The following B4GALT6 variants were observed in gnomAD, a reference collection of about 807,000 sequenced individuals.
B4GALT6 encodes beta-1,4-galactosyltransferase 6, also known as UDP-Gal:beta-GlcNAc beta-1,4-galactosyltransferase 6.
A neutral mutation model predicts 46.3 loss-of-function variants in B4GALT6; 14 were observed. The ratio of observed to expected loss-of-function variants is 0.30; its 90% CI spans 0.20 to 0.47. The LOEUF (loss-of-function observed/expected upper bound fraction) is 0.47, where lower values mean the gene tolerates loss of function less well. B4GALT6 is among the 20% of genes least tolerant of loss of function. B4GALT6 has a pLI of 0.99. For missense variants in B4GALT6, 386 were observed against 480.1 expected, an observed-to-expected ratio of 0.80 and a Z score of 1.83; for synonymous variants, 168 against 162.0, an observed-to-expected ratio of 1.04 and a Z score of -0.28.
At chr18:31,658,610 G>A (rs751679035) in intron 2 of B4GALT6, 2 of 152,366 alleles carry the variant, frequency 1.3e-5, no homozygotes, top group Non-Finnish European at 2.9e-5. Context: ...CCAGCCTGTG[G>A]GCTGCAGCCC....
chr18:31,635,987 AAC>A (rs1178855476), intron 5 of B4GALT6, among the ~76,000 whole-genome samples: 2 of 152,246 alleles, frequency 1.3e-5, no homozygotes, highest in African/African-American at 2.4e-5. Context: ...GAGTCAATGG[AAC>A]ACAGAGACCA....
intron 4 of B4GALT6, among the ~76,000 whole-genome samples, chr18:31,643,537 G>A (rs1222009948): frequency 6.6e-6 from 1 of 152,094 alleles, no homozygotes; most frequent in African/African-American, 2.4e-5. Flanking sequence ...GGCCTCAAGT[G>A]ATCTGCCCAC....
intron 1 of B4GALT6, among the ~76,000 whole-genome samples, chr18:31,683,887 T>A (rs2074510116): frequency 6.6e-6 from 1 of 152,164 alleles, no homozygotes; most frequent in African/African-American, 2.4e-5. Flanking sequence ...TCAATCACAT[T>A]CCCTGCTGCT....
At chr18:31,649,089 C>T (rs766895974) in intron 3 of B4GALT6, among the ~76,000 whole-genome samples, 4 of 152,194 alleles carry the variant, frequency 2.6e-5, no homozygotes, top group Non-Finnish European at 5.9e-5. Context: ...GACATTCCCT[C>T]CCACACTCTG....
chr18:31,630,897 A>G, intron 6 of B4GALT6, 62 bp downstream of exon 6: 1 of 1,557,706 alleles, frequency 6.4e-7, no homozygotes. Flanking sequence ...CGCTGCTACC[A>G]TTTCAATGCT....
chr18:31,701,985 T>G, the B4GALT6 span, among the ~76,000 whole-genome samples: 1 of 152,030 alleles, frequency 6.6e-6, no homozygotes, highest in African/African-American at 2.4e-5. Context: ...GAAGAATATA[T>G]TACATAATAT....
intron 4 of B4GALT6, among the ~76,000 whole-genome samples, chr18:31,639,386 G>A (rs1481621276): frequency 1.3e-5 from 2 of 152,002 alleles, no homozygotes; most frequent in African/African-American, 4.8e-5. Flanking sequence ...CTTACACATG[G>A]TTTCTCTGTC....
chr18:31,693,922 C>G, the B4GALT6 span, among the ~76,000 whole-genome samples: 2 of 152,128 alleles, frequency 1.3e-5, no homozygotes, highest in Non-Finnish European at 2.9e-5. Context: ...GAGCCATGAT[C>G]ATGCCACTCC....
intron 4 of B4GALT6, among the ~76,000 whole-genome samples, chr18:31,640,185 CAG>C (rs2073912283): frequency 6.6e-6 from 1 of 151,982 alleles, no homozygotes; most frequent in East Asian, 1.9e-4. Context: ...CTGGTTGTAA[CAG>C]AATATTGTGA....
At chr18:31,700,458 T>TGA in the B4GALT6 span, among the ~76,000 whole-genome samples, 3 of 145,686 alleles carry the variant, frequency 2.1e-5, no homozygotes, top group Admixed American at 6.8e-5. Context: ...TGTGTGTGTG[T>TGA]GTGTGTGTGT....
chr18:31,656,266 A>G (rs2074137395), intron 3 of B4GALT6, among the ~76,000 whole-genome samples: 1 of 152,222 alleles, frequency 6.6e-6, no homozygotes, highest in South Asian at 2.1e-4. Context: ...AGCTCGTGTC[A>G]AGAATAAAAA....
At chr18:31,673,928 A>G (rs1228356904) in intron 1 of B4GALT6, among the ~76,000 whole-genome samples, 1 of 151,918 alleles carries the variant, frequency 6.6e-6, no homozygotes, top group Non-Finnish European at 1.5e-5. Flanking sequence ...TCTCACAGAC[A>G]CACACACACA....
chr18:31,696,813 G>C, the B4GALT6 span, among the ~76,000 whole-genome samples: 9 of 152,104 alleles, frequency 5.9e-5, no homozygotes, highest in Non-Finnish European at 1.3e-4. Flanking sequence ...AATAGTAAAG[G>C]TCTGTGGATA....
upstream of B4GALT6, among the ~76,000 whole-genome samples, chr18:31,685,382 G>A (rs1470181183): frequency 6.6e-6 from 1 of 151,670 alleles, no homozygotes; most frequent in Non-Finnish European, 1.5e-5. Flanking sequence ...AGGCGGACGT[G>A]AAGGGGCGGG....
chr18:31,630,735 C>G lies in B4GALT6; in HGVS notation c.776+224G>C, dbSNP rs2073776670. The stretch of plus-strand genomic sequence containing the variant: ...TGTGCTTGACCACAGAAACCAGGCT[C>G]TCTTTCCCACCACACCACATTCAAA... On this transcript the variant is annotated intron_variant, in intron 6 of 8. Transcript: ENST00000306851. Among the ~76,000 whole-genome samples, 4 of 152,188 alleles carry G rather than the reference C, an allele frequency of 2.6e-5. No individual in the cohort carries two copies. The South Asian group carries it at 6.2e-4, about 24-fold the overall frequency.
Position 31,624,718 on chromosome 18 carries a change from A to T in B4GALT6, c.*896T>A, listed in dbSNP as rs1218325161. 2 of 151,514 alleles carry T rather than the reference A, an allele frequency of 1.3e-5. No homozygotes were observed. The highest frequency in any genetic ancestry group is 3.0e-5 in the Non-Finnish European group (2 of 67,604). 9.4% of individuals were successfully genotyped at this position (151,514 alleles called of 1,614,324 possible). ...TAAAAGTGCTGTTCACCGTGAATTTAAAAAAAATACACAGTATAAACACAC... is the reference window on the plus strand; with the variant it reads ...TAAAAGTGCTGTTCACCGTGAATTTTAAAAAAATACACAGTATAAACACAC... On this transcript the variant is annotated 3_prime_UTR_variant, in exon 9 of 9. Coordinates refer to ENST00000306851, the MANE Select transcript of B4GALT6 (RefSeq NM_004775.5).
chr18:31,649,951 T>G (rs1183109300), intron 3 of B4GALT6, among the ~76,000 whole-genome samples: 11 of 152,228 alleles, frequency 7.2e-5, no homozygotes, highest in Non-Finnish European at 1.6e-4. Context: ...AAAAGGCACA[T>G]GCACTATTAT....
At chr18:31,715,525 G>A in the B4GALT6 span, among the ~76,000 whole-genome samples, 1 of 141,608 alleles carries the variant, frequency 7.1e-6, no homozygotes, top group East Asian at 2.2e-4. Context: ...ACAGCGCCTG[G>A]TCTGGAACTG....
At chr18:31,705,344 T>A in the B4GALT6 span, among the ~76,000 whole-genome samples, 1 of 152,338 alleles carries the variant, frequency 6.6e-6, no homozygotes, top group Admixed American at 6.5e-5. Context: ...AACTCACTCA[T>A]GGATTACTTA....
Sources: allele counts gnomAD v4.1 joint callset (sites outside exome capture counted in the v4.1 genomes callset), GRCh38; gene constraint gnomAD v4.1.1; transcripts MANE v1.5; gene names NCBI Gene and HGNC (gene_info 2026-07-23, HGNC 2026-07-21).